The following GCNT2 variants were observed in gnomAD, a reference collection of about 807,000 sequenced individuals.
GCNT2 encodes the protein glucosaminyl (N-acetyl) transferase 2 (I blood group).
A neutral mutation model predicts 34.2 loss-of-function variants in GCNT2; 34 were observed. That is an observed-to-expected ratio of 1.00 (90% CI 0.76 to 1.32). The LOEUF (loss-of-function observed/expected upper bound fraction) is 1.32, where lower values mean the gene tolerates loss of function less well. GCNT2 is among the 40% of genes most tolerant of loss of function. The pLI, the probability that GCNT2 is intolerant of heterozygous loss-of-function variation, is 0.00. For synonymous variants in GCNT2, 212 were observed against 188.0 expected (o/e 1.13, Z -1.04); for missense variants, 584 against 489.4 (o/e 1.19, Z -1.82).
At chr6:10,536,002 A>T (rs1761734169) in intron 3 of GCNT2, among the ~76,000 whole-genome samples, 1 of 151,866 alleles carries the variant, frequency 6.6e-6, no homozygotes, top group African/African-American at 2.4e-5. Context: ...TACTGGCCTT[A>T]CTCTTTGTCA....
intron 3 of GCNT2, among the ~76,000 whole-genome samples, chr6:10,612,013 GC>G (rs530811103): frequency 2.4e-3 from 361 of 151,722 alleles, no homozygotes; most frequent in Non-Finnish European, 4.5e-3. Context: ...TTGATTCAGA[GC>G]CTCACTCTGT....
At chr6:10,556,748 G>A in intron 3 of GCNT2, 1 of 1,614,146 alleles carries the variant, frequency 6.2e-7, no homozygotes, top group Non-Finnish European at 8.5e-7. Context: ...TGACACCTTT[G>A]CAAGGCTCTT....
chr6:10,585,031 CAGTGTGTG>C (rs1476426134), intron 3 of GCNT2, among the ~76,000 whole-genome samples: 5 of 97,264 alleles, frequency 5.1e-5, no homozygotes, highest in African/African-American at 2.4e-4. Context: ...TTCCCATAGT[CAGTGTGTG>C]TGTGTGTGTG....
At chr6:10,588,914 TA>T (rs1263034473) in intron 3 of GCNT2, among the ~76,000 whole-genome samples, 4 of 123,858 alleles carry the variant, frequency 3.2e-5, no homozygotes, top group Non-Finnish European at 7.0e-5. Context: ...GGTGTGTGTG[TA>T]GTGTGTGGTG....
intron 1 of GCNT2, among the ~76,000 whole-genome samples, chr6:10,525,226 A>C (rs572975207): frequency 6.6e-6 from 1 of 152,176 alleles, no homozygotes; most frequent in Non-Finnish European, 1.5e-5. Context: ...TTATAAGAGT[A>C]TGTGTTATGG....
At chr6:10,623,619 T>A (rs1766140176) in intron 4 of GCNT2, among the ~76,000 whole-genome samples, 1 of 152,140 alleles carries the variant, frequency 6.6e-6, no homozygotes, top group Non-Finnish European at 1.5e-5. Flanking sequence ...CTCTTAGCAC[T>A]TAGAATGATC....
At chr6:10,585,936 A>G (rs746680540) in intron 3 of GCNT2, 95 of 1,608,340 alleles carry the variant, frequency 5.9e-5, no homozygotes, top group Middle Eastern at 4.9e-4. Flanking sequence ...TCTCACACCG[A>G]TCATTTCTCA....
chr6:10,608,157 A>C (rs1765406232), intron 3 of GCNT2, among the ~76,000 whole-genome samples: 1 of 147,482 alleles, frequency 6.8e-6, no homozygotes, highest in South Asian at 2.1e-4. Flanking sequence ...GGCTCACTGC[A>C]ATCTCTGCCT....
intron 3 of GCNT2, among the ~76,000 whole-genome samples, chr6:10,560,158 G>T (rs552043012): frequency 1.3e-5 from 2 of 152,008 alleles, no homozygotes; most frequent in African/African-American, 4.8e-5. Context: ...GTGCGATCTC[G>T]GCTTACTGCA....
intron 3 of GCNT2, among the ~76,000 whole-genome samples, chr6:10,603,583 T>C (rs571492924): frequency 6.6e-6 from 1 of 152,262 alleles, no homozygotes; most frequent in Admixed American, 6.5e-5. Flanking sequence ...TGGTGCAATC[T>C]CAGCTCACTG....
rs1760935141 is a variant in GCNT2 at position 10,521,934 on chromosome 6, CTG to C, written c.-469+519_-469+520del. ...TTTTTTTTCCAGACATAGTCTCACT[CTG>C]TCACCCAGGCGAGAGTACGGTGGTG... On this transcript the variant is annotated intron_variant, in intron 1 of 4. Transcript: ENST00000495262. Among the ~76,000 whole-genome samples the C allele has an allele frequency of 4.0e-5, 6 of 151,014 alleles. No homozygotes were observed. In the South Asian group the frequency reaches 1.2e-3, roughly 31 times the overall value.
At chr6:10,608,667 T>C (rs1423208054) in intron 3 of GCNT2, among the ~76,000 whole-genome samples, 1 of 152,118 alleles carries the variant, frequency 6.6e-6, no homozygotes, top group Admixed American at 6.5e-5. Context: ...AGACATTGTC[T>C]CTAATAAACA....
At chr6:10,552,078 A>G (rs77915674) in intron 3 of GCNT2, among the ~76,000 whole-genome samples, 2 of 152,250 alleles carry the variant, frequency 1.3e-5, no homozygotes, top group Non-Finnish European at 2.9e-5. Context: ...AATTTAAAAT[A>G]ATGCTTTGGG....
intron 3 of GCNT2, among the ~76,000 whole-genome samples, chr6:10,582,270 A>T (rs1174932338): frequency 2.7e-5 from 3 of 110,374 alleles, no homozygotes; most frequent in African/African-American, 1.2e-4. Flanking sequence ...ACTATATATT[A>T]AATATATAAA....
At chr6:10,554,433 G>A (rs1762606900) in intron 3 of GCNT2, among the ~76,000 whole-genome samples, 1 of 152,134 alleles carries the variant, frequency 6.6e-6, no homozygotes, top group Non-Finnish European at 1.5e-5. Flanking sequence ...TGCTATTAAT[G>A]TCTGTCTCCT....
intron 3 of GCNT2, among the ~76,000 whole-genome samples, chr6:10,581,240 G>A (rs976168057): frequency 6.6e-6 from 1 of 151,826 alleles, no homozygotes; most frequent in Non-Finnish European, 1.5e-5. Context: ...ATGGTTTTGG[G>A]GTTTTGTTTT....
intron 3 of GCNT2, among the ~76,000 whole-genome samples, chr6:10,602,770 CT>C (rs757443608): frequency 1.3e-5 from 2 of 152,132 alleles, no homozygotes; most frequent in Non-Finnish European, 2.9e-5. Context: ...TGGGTGCAGC[CT>C]GGTGCCTTGT....
intron 3 of GCNT2, among the ~76,000 whole-genome samples, chr6:10,597,153 C>CTTTTT (rs33945698): frequency 5.3e-5 from 6 of 112,598 alleles, no homozygotes; most frequent in East Asian, 5.3e-4. Context: ...TAGGAATTGC[C>CTTTTT]TTTTTTTTTT....
intron 3 of GCNT2, among the ~76,000 whole-genome samples, chr6:10,531,656 A>G (rs1205129089): frequency 6.6e-6 from 1 of 152,194 alleles, no homozygotes; most frequent in African/African-American, 2.4e-5. Flanking sequence ...TATAGTGATC[A>G]AAAGAAATTA....
Sources: gnomAD v4.1 joint callset for allele counts (sites outside exome capture counted in the v4.1 genomes callset) on GRCh38, gnomAD v4.1.1 for gene constraint, MANE v1.5 for transcripts, NCBI Gene and HGNC (gene_info 2026-07-23, HGNC 2026-07-21) for gene names.